Variants in UTRN observed in about 807,000 individuals in gnomAD.
UTRN encodes utrophin.
In UTRN, 283 loss-of-function variants were observed where a neutral mutation model predicts 463.9. The ratio of observed to expected loss-of-function variants is 0.61; its 90% confidence interval spans 0.55 to 0.67. The LOEUF is 0.67. UTRN is among the 30% of genes least tolerant of loss of function. The pLI, the probability that UTRN is intolerant of heterozygous loss-of-function variation, is 0.00. For missense variants in UTRN, 3,922 were observed against 4,084.3 expected (o/e 0.96, Z 1.08); for synonymous variants, 1,442 against 1,431.5 (o/e 1.01, Z -0.17).
intron 2 of UTRN, among the ~76,000 whole-genome samples, chr6:144,339,552 CTTTTCT>C (rs1776982704): frequency 6.7e-6 from 1 of 148,664 alleles, no homozygotes; most frequent in African/African-American, 2.6e-5. Flanking sequence ...TCTGTGTACT[CTTTTCT>C]TTTTTTTTTA....
intron 51 of UTRN, among the ~76,000 whole-genome samples, chr6:144,608,838 C>T (rs1024429988): frequency 1.3e-5 from 2 of 152,268 alleles, no homozygotes; most frequent in Admixed American, 1.3e-4. Context: ...GTAATTTCAT[C>T]TTGGTATCTG....
intron 49 of UTRN, among the ~76,000 whole-genome samples, chr6:144,556,374 T>C (rs975735792): frequency 6.7e-6 from 1 of 148,336 alleles, no homozygotes; most frequent in Non-Finnish European, 1.5e-5. Flanking sequence ...CAAGTAATAG[T>C]GAAGCCCCTG....
intron 33 of UTRN, among the ~76,000 whole-genome samples, chr6:144,495,901 A>G (rs543284737): frequency 4.0e-4 from 61 of 152,324 alleles, no homozygotes; most frequent in African/African-American, 5.1e-4. Flanking sequence ...GGGAAATAAT[A>G]ATCCCTGTAA....
At position 144,529,670 on chromosome 6, in the gene UTRN, T is replaced by G. The variant is rs116059185; in HGVS notation, c.5907-1382T>G. On this transcript the variant is annotated intron_variant, in intron 41 of 74. Coordinates refer to ENST00000367545, the MANE Select transcript of UTRN (RefSeq NM_007124.3). ...TTTTTTAAGTGCTTTTCTTTTTCCATGCTCAATAGAAAATTGCTTTACTGT... is the reference window on the plus strand; with the variant it reads ...TTTTTTAAGTGCTTTTCTTTTTCCAGGCTCAATAGAAAATTGCTTTACTGT... Among the ~76,000 whole-genome samples the G allele has an allele frequency of 6.9e-3, 1,055 of 152,286 alleles. 3 individuals are homozygous for G. Among genetic ancestry groups the G allele is most frequent in the Middle Eastern group, 0.024 (7 of 294 alleles).
At chr6:144,478,374 C>T (rs1302322296) in intron 25 of UTRN, among the ~76,000 whole-genome samples, 3 of 152,120 alleles carry the variant, frequency 2.0e-5, no homozygotes, top group Non-Finnish European at 4.4e-5. Flanking sequence ...TCAAGAAGTA[C>T]ACATACAGAG....
At chr6:144,744,318 A>ATGTG (rs750924642) in intron 54 of UTRN, among the ~76,000 whole-genome samples, 27 of 135,592 alleles carry the variant, frequency 2.0e-4, no homozygotes, top group African/African-American at 6.7e-4. Context: ...ATATATATAT[A>ATGTG]TATGTGTGTG....
intron 60 of UTRN, among the ~76,000 whole-genome samples, chr6:144,781,023 AG>A (rs935195493): frequency 6.6e-6 from 1 of 152,106 alleles, no homozygotes; most frequent in African/African-American, 2.4e-5. Context: ...TTCCTCTCAT[AG>A]GGCATGTTTA....
In UTRN at chr6:144,474,719, T is replaced by G; in HGVS notation, c.3296T>G (p.Leu1099Arg). 1.2e-6 allele frequency: 2 copies of G among 1,613,996 alleles called. No individual in the cohort carries two copies. Among genetic ancestry groups the G allele is most frequent in the Non-Finnish European group, 1.7e-6 (2 of 1,179,976 alleles). The change falls in exon 25 of 75, where the codon CTA (leucine) becomes CGA (arginine). Residue 1099 changes from leucine to arginine, a missense_variant. By Grantham distance (102) the Leu-to-Arg change is moderately radical. Around this residue, in one of 3 missense-constraint regions of UTRN, gnomAD observed 2,349 missense variants for 2,303.8 expected, o/e 1.02. Transcript: ENST00000367545. ...ATAAAAACTTGGGTGCAGACAAGACTAGGTGACTACCAAACTCAACTGGAG... is the reference window on the plus strand; with the variant it reads ...ATAAAAACTTGGGTGCAGACAAGACGAGGTGACTACCAAACTCAACTGGAG... ...AGIKTWVQTRLGDYQTQLEKL... is the reference protein window; with the variant it reads ...AGIKTWVQTRRGDYQTQLEKL...
At chr6:144,604,840 G>T (rs761835674) in intron 51 of UTRN, among the ~76,000 whole-genome samples, 2 of 152,030 alleles carry the variant, frequency 1.3e-5, no homozygotes, top group African/African-American at 4.8e-5. Context: ...ACTTGAACGC[G>T]GGAGGCAGAG....
chr6:144,327,072 C>T lies in UTRN; in HGVS notation c.79+35165C>T, dbSNP rs1411944756. On this transcript the variant is annotated intron_variant, in intron 2 of 74. Transcript: ENST00000367545. ...TAGGCTTCTGTCTGCTGTGTGAAGC[C>T]GAGGGGGTTTTGTGAATATTCTGTA... Among the ~76,000 whole-genome samples the T allele has an allele frequency of 2.6e-5, 4 of 151,898 alleles. 1 individual carries two copies. Among genetic ancestry groups the T allele is most frequent in the African/African-American group, 4.8e-5 (2 of 41,280 alleles).
chr6:144,477,858 G>A (rs1417742751), intron 25 of UTRN, among the ~76,000 whole-genome samples: 1 of 141,378 alleles, frequency 7.1e-6, no homozygotes, highest in African/African-American at 2.7e-5. Flanking sequence ...GTGATAATTA[G>A]AAGTTTGTAT....
intron 57 of UTRN, among the ~76,000 whole-genome samples, chr6:144,756,388 T>C (rs1791986948): frequency 6.6e-6 from 1 of 152,196 alleles, no homozygotes; most frequent in African/African-American, 2.4e-5. Flanking sequence ...TTTATACACA[T>C]TTTTGTAAAA....
intron 2 of UTRN, among the ~76,000 whole-genome samples, chr6:144,319,281 T>C (rs1055531710): frequency 3.9e-5 from 6 of 152,120 alleles, no homozygotes; most frequent in Admixed American, 3.9e-4. Context: ...TCCTTGGAAA[T>C]GCTGTTTCTG....
At position 144,487,704 on chromosome 6, in the gene UTRN, G is replaced by A. The variant is rs779121044; in HGVS notation, c.3972+7G>A. ...TGAAGATCTAAGTCACCTGGTAAGA[G>A]TTGGGACATACATGGGTGTTGATTA... On this transcript the variant is annotated splice_region_variant and intron_variant, in intron 29 of 74. Transcript: ENST00000367545. 6.2e-7 allele frequency: 1 copy of A among 1,606,810 alleles called. No individual in the cohort carries two copies. Among genetic ancestry groups the A allele is most frequent in the Non-Finnish European group, 8.5e-7 (1 of 1,175,846 alleles).
chr6:144,842,156 G>A (rs906439201), intron 73 of UTRN, among the ~76,000 whole-genome samples: 16 of 131,924 alleles, frequency 1.2e-4, no homozygotes, highest in African/African-American at 3.8e-4. Flanking sequence ...TGATGAAAAA[G>A]AGATTATCAA....
intron 34 of UTRN, among the ~76,000 whole-genome samples, chr6:144,505,259 C>T (rs925601276): frequency 1.3e-5 from 2 of 152,158 alleles, no homozygotes; most frequent in Non-Finnish European, 2.9e-5. Flanking sequence ...GTCTCTATCT[C>T]CTTTAGTTCT....
intron 58 of UTRN, among the ~76,000 whole-genome samples, chr6:144,770,815 GA>G: frequency 6.6e-6 from 1 of 152,304 alleles, no homozygotes; most frequent in Non-Finnish European, 1.5e-5. Context: ...AGGAAGCTGA[GA>G]AGAGGAACAC....
At chr6:144,376,616 T>TGAATTTTTCTAGAAAGATTTCTA (rs1206261368) in intron 2 of UTRN, among the ~76,000 whole-genome samples, 2 of 152,128 alleles carry the variant, frequency 1.3e-5, no homozygotes, top group Non-Finnish European at 2.9e-5. Flanking sequence ...CATTCTGATT[T>TGAATTTTTCTAGAAAGATTTCTA]GAATTTTTCT....
At chr6:144,661,805 A>G (rs1585851946) in intron 51 of UTRN, among the ~76,000 whole-genome samples, 3 of 152,328 alleles carry the variant, frequency 2.0e-5, no homozygotes, top group East Asian at 3.9e-4. Flanking sequence ...GTCAGATACC[A>G]GGGGTTCCTA....
Sources: gnomAD v4.1 joint callset for allele counts (sites outside exome capture counted in the v4.1 genomes callset) on GRCh38, gnomAD v4.1.1 for gene constraint, gnomAD v4.1.1 regional missense constraint, MANE v1.5 for transcripts, NCBI Gene and HGNC (gene_info 2026-07-23, HGNC 2026-07-21) for gene names.